HIBADH: variants seen among roughly 807,000 people sequenced by gnomAD.
HIBADH encodes 3-hydroxyisobutyrate dehydrogenase, also known as 3-hydroxyisobutyrate dehydrogenase, mitochondrial.
In HIBADH, 25 loss-of-function variants were observed where a neutral mutation model predicts 36.1. That is an observed-to-expected ratio of 0.69 (90% CI 0.50 to 0.97). HIBADH has a LOEUF of 0.97. Among genes scored for constraint, HIBADH ranks in the 50% least tolerant of loss-of-function variants. HIBADH has a pLI of 0.00. For missense variants in HIBADH, 421 were observed against 418.0 expected (o/e 1.01, Z -0.06); for synonymous variants, 160 against 149.5 (o/e 1.07, Z -0.51).
intron 4 of HIBADH, among the ~76,000 whole-genome samples, chr7:27,547,590 T>A (rs1385973740): frequency 6.6e-6 from 1 of 152,096 alleles, no homozygotes; most frequent in African/African-American, 2.4e-5. Context: ...TACCATGTGA[T>A]AACTGCTCTC....
chr7:27,625,055 G>T (rs1785617164), intron 4 of HIBADH, among the ~76,000 whole-genome samples: 1 of 152,100 alleles, frequency 6.6e-6, no homozygotes, highest in Non-Finnish European at 1.5e-5. Context: ...ATACCACAGA[G>T]CAGTTAAAAT....
At chr7:27,649,089 T>C (rs1421280453) in intron 2 of HIBADH, 2 of 155,234 alleles carry the variant, frequency 1.3e-5, no homozygotes, top group African/African-American at 2.4e-5. Flanking sequence ...CTAAGCTTTA[T>C]ATCTCTAAGC....
intron 4 of HIBADH, among the ~76,000 whole-genome samples, chr7:27,599,705 A>AAT: frequency 6.6e-6 from 1 of 150,526 alleles, no homozygotes; most frequent in East Asian, 1.9e-4. Context: ...AAAAAAAAAA[A>AAT]TTGATTACAG....
intron 4 of HIBADH, among the ~76,000 whole-genome samples, chr7:27,604,394 T>A: frequency 6.7e-6 from 1 of 150,358 alleles, no homozygotes; most frequent in Admixed American, 6.7e-5. Context: ...GTAAGTATAA[T>A]TTTTACTAGT....
At chr7:27,637,870 A>T (rs1785869456) in intron 2 of HIBADH, among the ~76,000 whole-genome samples, 1 of 152,236 alleles carries the variant, frequency 6.6e-6, no homozygotes, top group Non-Finnish European at 1.5e-5. Flanking sequence ...ACAGGAATAC[A>T]GCTAACCAGA....
intron 4 of HIBADH, among the ~76,000 whole-genome samples, chr7:27,596,561 C>A (rs1018261603): frequency 2.0e-5 from 3 of 152,144 alleles, no homozygotes; most frequent in Non-Finnish European, 4.4e-5. Context: ...GATAAATTTG[C>A]ATTTACATGA....
At chr7:27,537,194 T>C (rs1024996789) in intron 6 of HIBADH, among the ~76,000 whole-genome samples, 1 of 152,190 alleles carries the variant, frequency 6.6e-6, no homozygotes, top group Non-Finnish European at 1.5e-5. Context: ...CTTTACCATC[T>C]TATGGACATT....
chr7:27,650,508 T>TTTA (rs1562659738), intron 1 of HIBADH, among the ~76,000 whole-genome samples: 20 of 128,906 alleles, frequency 1.6e-4, no homozygotes, highest in African/African-American at 5.1e-4. Flanking sequence ...TTATTTATTT[T>TTTA]TTGAGACGGA....
chr7:27,618,056 C>A (rs1410765819), intron 4 of HIBADH, among the ~76,000 whole-genome samples: 5 of 152,112 alleles, frequency 3.3e-5, no homozygotes, highest in Non-Finnish European at 7.4e-5. Flanking sequence ...GACTCCAAGC[C>A]CAGCAATTCA....
chr7:27,560,025 AG>A (rs1017077002), intron 4 of HIBADH, among the ~76,000 whole-genome samples: 1 of 152,182 alleles, frequency 6.6e-6, no homozygotes, highest in African/African-American at 2.4e-5. Context: ...CAAGTTGTGC[AG>A]TTTTGTTCCA....
chr7:27,534,561 C>G (rs181625704), intron 6 of HIBADH, among the ~76,000 whole-genome samples: 2 of 152,204 alleles, frequency 1.3e-5, no homozygotes, highest in African/African-American at 4.8e-5. Flanking sequence ...TCACTCACTC[C>G]CCTACCTCCT....
chr7:27,638,314 A>AAAAAAAAAAC (rs1785886837), intron 2 of HIBADH, among the ~76,000 whole-genome samples: 1 of 144,708 alleles, frequency 6.9e-6, no homozygotes, highest in Non-Finnish European at 1.5e-5. Flanking sequence ...AAGTCAAAAA[A>AAAAAAAAAAC]AAAAAAAAAA....
intron 4 of HIBADH, among the ~76,000 whole-genome samples, chr7:27,612,464 C>G (rs919539117): frequency 6.6e-6 from 1 of 151,758 alleles, no homozygotes; most frequent in Non-Finnish European, 1.5e-5. Context: ...TAGCTGGGAT[C>G]AAGGTGACTG....
chr7:27,651,397 C>T (rs1786192763), intron 1 of HIBADH, among the ~76,000 whole-genome samples: 1 of 151,918 alleles, frequency 6.6e-6, no homozygotes, highest in Non-Finnish European at 1.5e-5. Context: ...TATAGTTTGT[C>T]TTTCTGGCCT....
At chr7:27,555,240 G>A (rs559998494) in intron 4 of HIBADH, among the ~76,000 whole-genome samples, 51 of 151,840 alleles carry the variant, frequency 3.4e-4, no homozygotes, top group Non-Finnish European at 5.9e-4. Context: ...ATTTAAGTGG[G>A]GAGAACTGTT....
At chr7:27,649,342 T>C (rs1786135117) in intron 2 of HIBADH, 131 bp downstream of exon 2, 4 of 613,382 alleles carry the variant, frequency 6.5e-6, no homozygotes, top group Admixed American at 3.5e-5. Flanking sequence ...AATGATTACA[T>C]ATATATAAAA....
intron 2 of HIBADH, among the ~76,000 whole-genome samples, chr7:27,640,045 T>C (rs1785933451): frequency 6.6e-6 from 1 of 152,166 alleles, no homozygotes; most frequent in Non-Finnish European, 1.5e-5. Flanking sequence ...GCATAGGACT[T>C]TGGTCACCGC....
intron 5 of HIBADH, 146 bp downstream of exon 5, chr7:27,542,821 C>G (rs1225048764): frequency 1.0e-5 from 10 of 956,554 alleles, no homozygotes; most frequent in Non-Finnish European, 1.5e-5. Flanking sequence ...TGATGCAAAA[C>G]TAATTTATTC....
chr7:27,542,253 A>G (rs1169309988), intron 5 of HIBADH, among the ~76,000 whole-genome samples: 1 of 151,994 alleles, frequency 6.6e-6, no homozygotes, highest in Non-Finnish European at 1.5e-5. Context: ...AAAAAAATAG[A>G]TGTATAAGTG....
Sources: allele counts gnomAD v4.1 joint callset (sites outside exome capture counted in the v4.1 genomes callset), GRCh38; gene constraint gnomAD v4.1.1; transcripts MANE v1.5; gene names NCBI Gene and HGNC (gene_info 2026-07-23, HGNC 2026-07-21).